Variants in LINGO2 observed in about 807,000 individuals in gnomAD.
LINGO2 encodes leucine rich repeat and Ig domain containing 2, also known as leucine-rich repeat and immunoglobulin-like domain-containing nogo receptor-interacting protein 2.
LINGO2 carries 14 observed loss-of-function variants against 30.6 expected under a neutral mutation model. The ratio of observed to expected loss-of-function variants is 0.46; its 90% CI spans 0.30 to 0.72. The LOEUF (loss-of-function observed/expected upper bound fraction) is 0.72. Among genes scored for constraint, LINGO2 ranks in the 30% least tolerant of loss-of-function variants. The pLI, the probability that LINGO2 is intolerant of heterozygous loss-of-function variation, is 0.07. For synonymous variants in LINGO2, 317 were observed against 288.5 expected (o/e 1.10, Z -1.00); for missense variants, 729 against 751.7 (o/e 0.97, Z 0.35).
intron 1 of LINGO2, among the ~76,000 whole-genome samples, chr9:28,495,047 C>T (rs1231841967): frequency 6.6e-6 from 1 of 152,132 alleles, no homozygotes; most frequent in African/African-American, 2.4e-5. Context: ...TATCCTTCGC[C>T]CACTTTTTGA....
chr9:29,064,330 T>C, the LINGO2 span, among the ~76,000 whole-genome samples: 3 of 152,092 alleles, frequency 2.0e-5, no homozygotes, highest in African/African-American at 7.2e-5. Flanking sequence ...TAGTTTTAAA[T>C]GCCTTCATAG....
chr9:28,404,753 G>C (rs1047967479), intron 2 of LINGO2, among the ~76,000 whole-genome samples: 1 of 152,150 alleles, frequency 6.6e-6, no homozygotes, highest in African/African-American at 2.4e-5. Flanking sequence ...ATCTCACTTT[G>C]TGTAATCATT....
intron 1 of LINGO2, among the ~76,000 whole-genome samples, chr9:28,549,897 T>A (rs889561030): frequency 2.6e-5 from 4 of 151,858 alleles, no homozygotes; most frequent in Non-Finnish European, 5.9e-5. Flanking sequence ...GATAATAATT[T>A]AACAGGACAT....
chr9:27,989,443 CTCTGTG>C (rs886656286), intron 5 of LINGO2, among the ~76,000 whole-genome samples: 13 of 125,812 alleles, frequency 1.0e-4, no homozygotes, highest in African/African-American at 3.1e-4. Flanking sequence ...AGTGAATGCT[CTCTGTG>C]TGTGTGTGTG....
In LINGO2 at chr9:27,984,661, T is replaced by C. The variant is rs144984724; in HGVS notation, c.-36+27694A>G. Among the ~76,000 whole-genome samples, 85 of 151,968 alleles carry C rather than the reference T, an allele frequency of 5.6e-4. No individual in the cohort carries two copies. The East Asian group carries it at 0.015, about 26-fold the overall frequency. ...TAATATTTAATTCATTTTGTGTTCC[T>C]AGCTCTGGAGTAGGGGTCATAGCTG... On this transcript the variant is annotated intron_variant, in intron 5 of 5. Coordinates refer to ENST00000379992, the Ensembl canonical transcript of LINGO2.
At chr9:28,985,585 C>T in the LINGO2 span, among the ~76,000 whole-genome samples, 2 of 151,932 alleles carry the variant, frequency 1.3e-5, no homozygotes, top group African/African-American at 4.8e-5. Context: ...TCTCATTTTG[C>T]TTTGAACTTA....
intron 5 of LINGO2, among the ~76,000 whole-genome samples, chr9:27,998,322 CA>C (rs1263130490): frequency 1.3e-5 from 2 of 152,176 alleles, no homozygotes; most frequent in African/African-American, 4.8e-5. Context: ...GCCAACTGCT[CA>C]AAGACCATTA....
the LINGO2 span, among the ~76,000 whole-genome samples, chr9:29,127,815 G>C: frequency 6.6e-6 from 1 of 152,110 alleles, no homozygotes; most frequent in African/African-American, 2.4e-5. Context: ...TGATGCAATT[G>C]GCAGTGGCAA....
chr9:28,287,426 A>G (rs1176805615), intron 4 of LINGO2, among the ~76,000 whole-genome samples: 1 of 152,192 alleles, frequency 6.6e-6, no homozygotes, highest in East Asian at 1.9e-4. Flanking sequence ...TCCTTCCTCC[A>G]GTTATTTTCT....
chr9:28,458,642 G>T lies in LINGO2; in HGVS notation c.-279+17298C>A, dbSNP rs182356340. Among the ~76,000 whole-genome samples the T allele has an allele frequency of 3.1e-3, 472 of 152,178 alleles. 1 individual carries two copies. The highest frequency in any genetic ancestry group is 5.6e-3 in the Non-Finnish European group (382 of 68,012). On this transcript the variant is annotated intron_variant, in intron 2 of 5. Transcript: ENST00000379992. Reference sequence around the variant, plus strand: ...CCCTTCCAAAATTCACTTGCCATTAGGTGGGATCCTTGCTACTTGCTTCTC... The same window carrying T: ...CCCTTCCAAAATTCACTTGCCATTATGTGGGATCCTTGCTACTTGCTTCTC...
the LINGO2 span, among the ~76,000 whole-genome samples, chr9:28,951,872 A>G: frequency 6.6e-6 from 1 of 152,130 alleles, no homozygotes; most frequent in Non-Finnish European, 1.5e-5. Flanking sequence ...TTAAAACAAC[A>G]AGTATGGGAC....
rs11311789 is a variant in LINGO2 at position 28,271,156 on chromosome 9, T to TA, written c.-87+24051dup. Among the ~76,000 whole-genome samples the TA allele has an allele frequency of 5.2e-3, 759 of 144,602 alleles. 3 individuals are homozygous for TA. Among genetic ancestry groups the TA allele is most frequent in the East Asian group, 0.016 (80 of 4,990 alleles). 94.9% of individuals were successfully genotyped at this position (144,602 alleles called of 152,430 possible). On this transcript the variant is annotated intron_variant, in intron 4 of 5. Coordinates refer to ENST00000379992, the Ensembl canonical transcript of LINGO2. ...TTGCTCTGTATTTATAAGAAAAAAGTAAAAAAAAAAAACACAAAAAACTTA... is the reference window on the plus strand; with the variant it reads ...TTGCTCTGTATTTATAAGAAAAAAGTAAAAAAAAAAAAACACAAAAAACTTA...
At chr9:28,000,485 T>G (rs1187121260) in intron 5 of LINGO2, among the ~76,000 whole-genome samples, 1 of 152,234 alleles carries the variant, frequency 6.6e-6, no homozygotes, top group Non-Finnish European at 1.5e-5. Context: ...TGGATTAAAT[T>G]CTTTAATAAA....
At chr9:28,589,505 T>C (rs1004028816) in intron 1 of LINGO2, among the ~76,000 whole-genome samples, 8 of 151,920 alleles carry the variant, frequency 5.3e-5, no homozygotes, top group Admixed American at 1.3e-4. Context: ...TATACACCAA[T>C]AACAGACAAA....
chr9:28,767,680 G>C, the LINGO2 span, among the ~76,000 whole-genome samples: 1 of 151,544 alleles, frequency 6.6e-6, no homozygotes, highest in Non-Finnish European at 1.5e-5. Context: ...CAGCTACTGG[G>C]GAGGCTGAGG....
chr9:28,514,438 A>G (rs1439495444), intron 1 of LINGO2, among the ~76,000 whole-genome samples: 3 of 152,220 alleles, frequency 2.0e-5, no homozygotes, highest in Admixed American at 2.0e-4. Context: ...AGAAAATAAA[A>G]AGTACTACTC....
intron 2 of LINGO2, among the ~76,000 whole-genome samples, chr9:28,452,272 A>T (rs35004211): frequency 1.7e-5 from 2 of 114,330 alleles, no homozygotes; most frequent in South Asian, 6.7e-4. Flanking sequence ...AAGGACTCAC[A>T]TATCTTAAGA....
intron 1 of LINGO2, among the ~76,000 whole-genome samples, chr9:28,544,132 G>T (rs952104723): frequency 2.0e-5 from 3 of 151,886 alleles, no homozygotes; most frequent in South Asian, 2.1e-4. Flanking sequence ...GAACCCGGAA[G>T]GCAGAGGTTG....
chr9:28,344,008 C>T (rs1819465805), intron 3 of LINGO2, among the ~76,000 whole-genome samples: 1 of 152,096 alleles, frequency 6.6e-6, no homozygotes. Flanking sequence ...AAATGTTTCT[C>T]CTGCAGCCAG....
Sources: allele counts gnomAD v4.1 joint callset (sites outside exome capture counted in the v4.1 genomes callset), GRCh38; gene constraint gnomAD v4.1.1; transcripts MANE v1.5; gene names NCBI Gene and HGNC (gene_info 2026-07-23, HGNC 2026-07-21).